The following FNDC3B variants were observed in gnomAD, a reference collection of about 807,000 sequenced individuals.
FNDC3B encodes the protein fibronectin type III domain containing 3B, also known as fibronectin type III domain-containing protein 3B.
A neutral mutation model predicts 151.5 loss-of-function variants in FNDC3B; 12 were observed. The ratio of observed to expected loss-of-function variants is 0.08; its 90% confidence interval spans 0.05 to 0.13. The LOEUF is 0.13. Ranked by LOEUF, FNDC3B falls within the 10% of genes least tolerant of loss-of-function variation. The pLI is 1.00. For missense variants in FNDC3B, 1,214 were observed against 1,505.3 expected (o/e 0.81, Z 3.20); for synonymous variants, 528 against 549.0 (o/e 0.96, Z 0.54).
At chr3:172,338,333 A>AT (rs1342147407) in intron 16 of FNDC3B, 2 of 151,710 alleles carry the variant, frequency 1.3e-5, no homozygotes, top group Non-Finnish European at 2.9e-5. Flanking sequence ...AAAAAAAAAA[A>AT]TTCTTATAAG....
intron 3 of FNDC3B, among the ~76,000 whole-genome samples, chr3:172,143,824 G>A (rs1300115525): frequency 6.6e-6 from 1 of 151,902 alleles, no homozygotes; most frequent in Non-Finnish European, 1.5e-5. Flanking sequence ...GAGGAGAATC[G>A]CTTGAACCTG....
intron 7 of FNDC3B, among the ~76,000 whole-genome samples, chr3:172,292,976 A>G (rs899050955): frequency 2.6e-5 from 4 of 152,332 alleles, no homozygotes; most frequent in East Asian, 1.9e-4. Flanking sequence ...TGAATCTGAC[A>G]GTGCAGACGG....
chr3:172,166,869 T>C (rs1461979460), intron 3 of FNDC3B, among the ~76,000 whole-genome samples: 1 of 152,176 alleles, frequency 6.6e-6, no homozygotes, highest in African/African-American at 2.4e-5. Flanking sequence ...TCTGTTCCTC[T>C]TCATATCTTT....
At chr3:172,136,333 G>A (rs1433710929) in intron 3 of FNDC3B, among the ~76,000 whole-genome samples, 1 of 152,162 alleles carries the variant, frequency 6.6e-6, no homozygotes, top group Non-Finnish European at 1.5e-5. Flanking sequence ...TGTTAATGAA[G>A]TGAGATCTAC....
intron 16 of FNDC3B, among the ~76,000 whole-genome samples, chr3:172,340,653 C>T (rs1420340602): frequency 1.3e-5 from 2 of 152,188 alleles, no homozygotes; most frequent in African/African-American, 2.4e-5. Flanking sequence ...GATTTCACTT[C>T]CTTTGACCTC....
intron 11 of FNDC3B, among the ~76,000 whole-genome samples, chr3:172,325,256 C>G (rs926705199): frequency 3.3e-5 from 5 of 152,202 alleles, no homozygotes; most frequent in Middle Eastern, 3.2e-3. Flanking sequence ...GTCAGCGTAT[C>G]TCAGTAATCC....
chr3:172,172,696 T>C (rs562364786), intron 3 of FNDC3B, among the ~76,000 whole-genome samples: 6 of 152,214 alleles, frequency 3.9e-5, no homozygotes, highest in Non-Finnish European at 7.3e-5. Flanking sequence ...AACATAAATA[T>C]ATAGGTTTAG....
chr3:172,257,039 C>T (rs1207306553), intron 6 of FNDC3B, among the ~76,000 whole-genome samples: 1 of 151,734 alleles, frequency 6.6e-6, no homozygotes, highest in East Asian at 1.9e-4. Flanking sequence ...ATAAGCAATT[C>T]TCCTGGGATT....
chr3:172,269,650 G>GTTTT (rs1360507405), intron 6 of FNDC3B, among the ~76,000 whole-genome samples: 2 of 151,720 alleles, frequency 1.3e-5, no homozygotes, highest in East Asian at 3.9e-4. Flanking sequence ...GTTTTGTTTT[G>GTTTT]TTTTGTTTTT....
chr3:172,306,271 A>G (rs564247483), intron 9 of FNDC3B, among the ~76,000 whole-genome samples: 36 of 152,350 alleles, frequency 2.4e-4, no homozygotes, highest in African/African-American at 8.2e-4. Flanking sequence ...CAGGATGAAC[A>G]AGGGGAATAG....
At chr3:172,376,407 C>T (rs1219910006) in intron 23 of FNDC3B, among the ~76,000 whole-genome samples, 1 of 152,156 alleles carries the variant, frequency 6.6e-6, no homozygotes, top group Non-Finnish European at 1.5e-5. Context: ...CATACTGTTC[C>T]TAGTAGTCCT....
At chr3:172,329,769 T>C (rs1219632542) in intron 12 of FNDC3B, 1 of 152,152 alleles carries the variant, frequency 6.6e-6, no homozygotes, top group African/African-American at 2.4e-5. Flanking sequence ...CTTTTTAACA[T>C]CACAAAGTTT....
chr3:172,042,698 C>CA (rs1224123224), intron 1 of FNDC3B, among the ~76,000 whole-genome samples: 2 of 152,112 alleles, frequency 1.3e-5, no homozygotes, highest in African/African-American at 4.8e-5. Flanking sequence ...ACGTAGCTAC[C>CA]AATGGTGTCA....
At chr3:172,100,748 AAAAC>A (rs1361352580) in intron 1 of FNDC3B, among the ~76,000 whole-genome samples, 1 of 152,222 alleles carries the variant, frequency 6.6e-6, no homozygotes, top group African/African-American at 2.4e-5. Context: ...CATTAAGTGA[AAAAC>A]AAAGCTGCTT....
chr3:172,330,362 G>A (rs1001936055), intron 12 of FNDC3B, 179 bp from the exon 13 acceptor site: 1 of 515,372 alleles, frequency 1.9e-6, no homozygotes, highest in Admixed American at 3.5e-5. Flanking sequence ...ATCATGGGGT[G>A]GGGGGATGGG....
At chr3:172,088,420 T>A (rs931111117) in intron 1 of FNDC3B, among the ~76,000 whole-genome samples, 9 of 152,206 alleles carry the variant, frequency 5.9e-5, no homozygotes, top group Non-Finnish European at 1.2e-4. Context: ...CTTTCCTCAG[T>A]ATCATGTGGG....
At chr3:172,178,823 C>T (rs1462222781) in intron 3 of FNDC3B, among the ~76,000 whole-genome samples, 1 of 152,190 alleles carries the variant, frequency 6.6e-6, no homozygotes, top group Non-Finnish European at 1.5e-5. Flanking sequence ...GCCTGTGCCA[C>T]ATTCTGAGAG....
At chr3:172,305,688 C>G (rs1731160788) in intron 9 of FNDC3B, among the ~76,000 whole-genome samples, 1 of 152,168 alleles carries the variant, frequency 6.6e-6, no homozygotes. Flanking sequence ...TGTTTTTGCA[C>G]ACTGCCACCA....
rs551699964 is a variant in FNDC3B at position 172,284,349 on chromosome 3, C to A, written c.791-1577C>A. On this transcript the variant is annotated intron_variant, in intron 6 of 25. Coordinates refer to ENST00000415807, the MANE Select transcript of FNDC3B (RefSeq NM_022763.4). Reference sequence around the variant, plus strand: ...CAAAGTTTAAAATATTTATTTGATTCTTTAGGAAAAAATTTGCCTACTCCG... The same window carrying A: ...CAAAGTTTAAAATATTTATTTGATTATTTAGGAAAAAATTTGCCTACTCCG... 3.3e-5 allele frequency among the ~76,000 whole-genome samples: 5 copies of A among 152,270 alleles called. No homozygotes were observed. In the East Asian group the frequency reaches 9.7e-4, roughly 29 times the overall value.
Sources: gnomAD v4.1 joint callset for allele counts (sites outside exome capture counted in the v4.1 genomes callset) on GRCh38, gnomAD v4.1.1 for gene constraint, MANE v1.5 for transcripts, NCBI Gene and HGNC (gene_info 2026-07-23, HGNC 2026-07-21) for gene names.